RAB11FIP4: variants seen among roughly 807,000 people sequenced by gnomAD.
RAB11FIP4 encodes RAB11 family interacting protein 4, also known as rab11 family-interacting protein 4.
RAB11FIP4 carries 23 observed loss-of-function variants against 74.3 expected under a neutral mutation model. The ratio of observed to expected loss-of-function variants is 0.31; its 90% CI spans 0.22 to 0.44. The LOEUF (loss-of-function observed/expected upper bound fraction) is 0.44. Ranked by LOEUF, RAB11FIP4 falls within the 20% of genes least tolerant of loss-of-function variation. RAB11FIP4 has a pLI of 1.00. For synonymous variants in RAB11FIP4, 360 were observed against 359.9 expected, an observed-to-expected ratio of 1.00 and a Z score of 0.00; for missense variants, 630 against 863.9, an observed-to-expected ratio of 0.73 and a Z score of 3.39.
At chr17:31,407,939 G>A (rs1352445230) in intron 1 of RAB11FIP4, among the ~76,000 whole-genome samples, 1 of 151,964 alleles carries the variant, frequency 6.6e-6, no homozygotes, top group Non-Finnish European at 1.5e-5. Flanking sequence ...AAATTACACT[G>A]GTGGTTGCCA....
chr17:31,406,856 G>A (rs527995378), intron 1 of RAB11FIP4, among the ~76,000 whole-genome samples: 3 of 151,910 alleles, frequency 2.0e-5, no homozygotes, highest in Non-Finnish European at 2.9e-5. Flanking sequence ...TTTCCTGTGT[G>A]TGAATATGTT....
chr17:31,400,409 C>T (rs150592283), intron 1 of RAB11FIP4, among the ~76,000 whole-genome samples: 4 of 152,342 alleles, frequency 2.6e-5, no homozygotes, highest in African/African-American at 9.6e-5. Context: ...GGGGCCAGTT[C>T]CTGTGGCCTT....
At chr17:31,454,035 C>G (rs1179382359) in intron 3 of RAB11FIP4, among the ~76,000 whole-genome samples, 1 of 151,866 alleles carries the variant, frequency 6.6e-6, no homozygotes, top group Admixed American at 6.6e-5. Context: ...TGCTCTAGCA[C>G]TAGCTAGAAA....
chr17:31,480,229 G>A (rs568983708), intron 3 of RAB11FIP4, among the ~76,000 whole-genome samples: 1 of 152,218 alleles, frequency 6.6e-6, no homozygotes, highest in South Asian at 2.1e-4. Flanking sequence ...ACAGATTACT[G>A]CCTCACTCAG....
At chr17:31,445,558 ATATATATATATATATATATATTTTTTTT>A (rs1346334381) in intron 3 of RAB11FIP4, among the ~76,000 whole-genome samples, 143 of 13,756 alleles carry the variant, frequency 0.01, 5 homozygotes, top group Non-Finnish European at 0.014. Context: ...ATATATATAT[ATATATATATATATATATATATTTTTTTT>A]TTTTTTTTTT....
chr17:31,496,192 C>A (rs939026531), intron 3 of RAB11FIP4, among the ~76,000 whole-genome samples: 3 of 152,140 alleles, frequency 2.0e-5, no homozygotes, highest in African/African-American at 7.2e-5. Flanking sequence ...TATGAGGGGA[C>A]CCTGATGTGG....
At chr17:31,447,111 C>G (rs557859608) in intron 3 of RAB11FIP4, among the ~76,000 whole-genome samples, 1 of 152,162 alleles carries the variant, frequency 6.6e-6, no homozygotes, top group Non-Finnish European at 1.5e-5. Context: ...GGTGAAACCC[C>G]GTCTCCACTA....
chr17:31,417,852 A>G (rs2071162716), intron 1 of RAB11FIP4, among the ~76,000 whole-genome samples: 1 of 152,226 alleles, frequency 6.6e-6, no homozygotes, highest in Non-Finnish European at 1.5e-5. Flanking sequence ...TAATCCCAAC[A>G]CTTTGGGAAG....
chr17:31,525,335 A>C lies in RAB11FIP4; in HGVS notation c.1274+105A>C, dbSNP rs1240618624. The stretch of plus-strand genomic sequence containing the variant: ...TTTTATAGATGGGAATGTGAGGCTG[A>C]GGGGCAGCCTCTTGAGACTTTCCAG... On this transcript the variant is annotated intron_variant, in intron 10 of 14. Transcript: ENST00000621161. 4.3e-6 allele frequency: 5 copies of C among 1,173,020 alleles called. No homozygotes were observed. In the East Asian group the frequency reaches 1.3e-4, roughly 30 times the overall value. 72.7% of individuals were successfully genotyped at this position (1,173,020 alleles called of 1,614,324 possible).
Position 31,391,846 on chromosome 17 carries a change from G to C in RAB11FIP4, c.-7G>C. 1 of 1,085,542 alleles carries C rather than the reference G, an allele frequency of 9.2e-7. No individual in the cohort carries two copies. The highest frequency in any genetic ancestry group is 1.1e-6 in the Non-Finnish European group (1 of 897,596). The allele number at this position is 1,085,542 out of a possible 1,614,324, so 67.2% of individuals were successfully genotyped here. On this transcript the variant is annotated 5_prime_UTR_variant, in exon 1 of 15. Transcript: ENST00000621161. ...AGGGGTCCGGGCTGAGCTGCGGGCCGGCCCGGATGGCGGGCGGCGCGGGCT... is the reference window on the plus strand; with the variant it reads ...AGGGGTCCGGGCTGAGCTGCGGGCCCGCCCGGATGGCGGGCGGCGCGGGCT...
chr17:31,430,848 T>C (rs950074543), intron 1 of RAB11FIP4, among the ~76,000 whole-genome samples: 19 of 151,912 alleles, frequency 1.3e-4, no homozygotes, highest in East Asian at 1.9e-4. Flanking sequence ...ATGGATTGAA[T>C]GTGAGTGACA....
At chr17:31,489,604 C>G (rs1428768690) in intron 3 of RAB11FIP4, among the ~76,000 whole-genome samples, 1 of 152,134 alleles carries the variant, frequency 6.6e-6, no homozygotes, top group Non-Finnish European at 1.5e-5. Context: ...GGGACACTTC[C>G]CTGCCTTCAA....
chr17:31,520,814 A>G (rs2072650742), intron 4 of RAB11FIP4: 1 of 153,726 alleles, frequency 6.5e-6, no homozygotes, highest in South Asian at 2.1e-4. Flanking sequence ...CACTACTACA[A>G]ATGTTTTAAC....
intron 1 of RAB11FIP4, among the ~76,000 whole-genome samples, chr17:31,429,442 C>T (rs1410947581): frequency 1.3e-5 from 2 of 152,216 alleles, no homozygotes; most frequent in Non-Finnish European, 2.9e-5. Flanking sequence ...CCCTGACTAG[C>T]TCACCAGTCA....
intron 2 of RAB11FIP4, among the ~76,000 whole-genome samples, chr17:31,432,356 CTTTT>C (rs749879395): frequency 2.2e-5 from 3 of 139,500 alleles, no homozygotes; most frequent in Non-Finnish European, 1.6e-5. Flanking sequence ...CCCGCCTCCT[CTTTT>C]TTTTTTTTTT....
chr17:31,497,417 C>T (rs574485099), intron 3 of RAB11FIP4, among the ~76,000 whole-genome samples: 5 of 152,104 alleles, frequency 3.3e-5, no homozygotes, highest in Non-Finnish European at 5.9e-5. Flanking sequence ...TTAAGGATCT[C>T]GGGGAGTGCC....
At chr17:31,497,374 CAAAA>C (rs151121427) in intron 3 of RAB11FIP4, among the ~76,000 whole-genome samples, 5 of 148,046 alleles carry the variant, frequency 3.4e-5, no homozygotes, top group Middle Eastern at 6.9e-3. Context: ...AAAAACAAAA[CAAAA>C]AAAAAACTGC....
In RAB11FIP4 at chr17:31,397,041, C is replaced by T. The variant is rs142806747; in HGVS notation, c.159+5030C>T. Among the ~76,000 whole-genome samples, 185 of 152,234 alleles carry T rather than the reference C, an allele frequency of 1.2e-3. 4 individuals carry two copies. The East Asian group carries it at 0.024, about 20-fold the overall frequency. On this transcript the variant is annotated intron_variant, in intron 1 of 14. Transcript: ENST00000621161. The stretch of plus-strand genomic sequence containing the variant: ...TTGGGGTGCTAGGATGGGCTGAGAC[C>T]GGCCAGGAGCCAGCCCTGGGGCTGG...
chr17:31,406,803 T>TTTCCTCTTTCTC (rs1486431769), intron 1 of RAB11FIP4, among the ~76,000 whole-genome samples: 1 of 152,216 alleles, frequency 6.6e-6, no homozygotes, highest in Non-Finnish European at 1.5e-5. Context: ...GCTCTGTTGC[T>TTTCCTCTTTCTC]TTCCTCTTTC....
Sources: allele counts gnomAD v4.1 joint callset (sites outside exome capture counted in the v4.1 genomes callset), GRCh38; gene constraint gnomAD v4.1.1; transcripts MANE v1.5; gene names NCBI Gene and HGNC (gene_info 2026-07-23, HGNC 2026-07-21).